Variants in USH2A observed in about 807,000 individuals in gnomAD.
The protein encoded by USH2A is Usher syndrome 2A (autosomal recessive, mild).
Under a neutral mutation model 538.9 loss-of-function variants are expected in USH2A, and 443 were observed. That is an observed-to-expected ratio of 0.82 (90% CI 0.76 to 0.89). USH2A has a LOEUF of 0.89. USH2A is among the 40% of genes least tolerant of loss of function. The probability of loss-of-function intolerance (pLI) is 0.00; values close to 1 mark genes in which losing one functional copy is unlikely to be tolerated. For synonymous variants in USH2A, 2,413 were observed against 2,273.5 expected (o/e 1.06, Z -1.75); for missense variants, 6,633 against 6,324.8 (o/e 1.05, Z -1.65).
At chr1:216,365,144 C>T in intron 3 of USH2A, 59 bp from the exon 4 acceptor site, 1 of 1,553,012 alleles carries the variant, frequency 6.4e-7, no homozygotes, top group Non-Finnish European at 8.7e-7. Flanking sequence ...TTATATTAAA[C>T]ACATTTCAGC....
intron 14 of USH2A, among the ~76,000 whole-genome samples, chr1:216,221,134 TTAGGA>T (rs769401969): frequency 1.6e-4 from 24 of 152,180 alleles, no homozygotes; most frequent in Non-Finnish European, 2.9e-4. Context: ...AGCTTTAGAC[TTAGGA>T]TAGGACACCG....
chr1:216,330,474 C>G (rs1236767112), intron 4 of USH2A, among the ~76,000 whole-genome samples: 1 of 151,776 alleles, frequency 6.6e-6, no homozygotes, highest in Non-Finnish European at 1.5e-5. Flanking sequence ...GCAAAATGTT[C>G]CAGGCAGGCA....
intron 21 of USH2A, among the ~76,000 whole-genome samples, chr1:216,172,203 T>C (rs2034287803): frequency 6.6e-6 from 1 of 152,102 alleles, no homozygotes; most frequent in Admixed American, 6.6e-5. Context: ...ATCCCTTTCT[T>C]GTACTACAAT....
At chr1:216,338,907 T>C (rs991804640) in intron 4 of USH2A, among the ~76,000 whole-genome samples, 2 of 151,686 alleles carry the variant, frequency 1.3e-5, no homozygotes, top group South Asian at 4.1e-4. Flanking sequence ...ATGGGTATTT[T>C]ACCTGTTGCC....
chr1:215,701,776 G>T (rs962599422), intron 61 of USH2A, among the ~76,000 whole-genome samples: 7 of 152,098 alleles, frequency 4.6e-5, no homozygotes, highest in African/African-American at 7.2e-5. Flanking sequence ...TATCCAATTT[G>T]CCAGTCTGTG....
rs970775261 is a variant in USH2A, at chr1:215,629,176, T to C, written c.15298-141A>G. On this transcript the variant is annotated intron_variant, in intron 70 of 71. Transcript: ENST00000307340. ...TCACATTGTCAATGAAGGGAACAAC[T>C]GTCACCTACAGAATTTAGCAGCTAT... 39 of 914,698 alleles carry C rather than the reference T, an allele frequency of 4.3e-5. No individual in the cohort carries two copies. In the African/African-American group the frequency reaches 6.4e-4, roughly 15 times the overall value. 56.7% of individuals were successfully genotyped at this position (914,698 alleles called of 1,614,324 possible).
intron 61 of USH2A, among the ~76,000 whole-genome samples, chr1:215,693,173 G>T (rs374305536): frequency 1.3e-5 from 2 of 148,962 alleles, no homozygotes; most frequent in Non-Finnish European, 1.5e-5. Context: ...TGGATACAAG[G>T]TCTCACTAAG....
At chr1:216,067,193 T>C (rs1167770071) in intron 30 of USH2A, among the ~76,000 whole-genome samples, 2 of 152,062 alleles carry the variant, frequency 1.3e-5, no homozygotes, top group East Asian at 3.9e-4. Flanking sequence ...TTCTCACTCA[T>C]AAGTGGGAAT....
chr1:215,681,107 A>G (rs1008770216), intron 61 of USH2A, among the ~76,000 whole-genome samples: 8 of 152,196 alleles, frequency 5.3e-5, no homozygotes, highest in Non-Finnish European at 1.0e-4. Context: ...AAGAAAAGAA[A>G]AAAAGGGATA....
chr1:215,669,947 G>GA (rs762407313), intron 64 of USH2A, among the ~76,000 whole-genome samples: 2 of 152,048 alleles, frequency 1.3e-5, no homozygotes, highest in South Asian at 4.1e-4. Flanking sequence ...TCCTCTTTTA[G>GA]AAAATTTCTG....
intron 50 of USH2A, among the ~76,000 whole-genome samples, chr1:215,795,863 C>T (rs149594929): frequency 1.3e-3 from 193 of 152,216 alleles, no homozygotes; most frequent in African/African-American, 4.6e-3. Flanking sequence ...TTATTGAGGA[C>T]CCCAAATACC....
Position 215,624,093 on chromosome 1 carries a change from T to C in USH2A, c.*1688A>G, listed in dbSNP as rs1036970120. On this transcript the variant is annotated 3_prime_UTR_variant, in exon 72 of 72. Coordinates refer to ENST00000307340, the MANE Select transcript of USH2A (RefSeq NM_206933.4). ...TAAACTAGTCAATCCTATGTTTTCA[T>C]TTCAGAAAGTATAAAAACTTGGCGA... is the stretch of plus-strand genomic sequence containing the variant. The C allele has an allele frequency of 6.6e-6, 1 of 152,200 alleles. No homozygotes were observed. Among genetic ancestry groups the C allele is most frequent in the Non-Finnish European group, 1.5e-5 (1 of 68,028 alleles). 9.4% of individuals were successfully genotyped at this position (152,200 alleles called of 1,614,324 possible).
At position 216,135,207 on chromosome 1, in the gene USH2A, CTT is replaced by C. The variant is rs5780875; in HGVS notation, c.4628-37996_4628-37995del. On this transcript the variant is annotated intron_variant, in intron 21 of 71. Coordinates refer to ENST00000307340, the MANE Select transcript of USH2A (RefSeq NM_206933.4). ...ACACACACACACACACACACACAAT[CTT>C]AAGTGTATATAAATTCCTCCTTTAA... 3.8e-3 allele frequency among the ~76,000 whole-genome samples: 563 copies of C among 148,954 alleles called. 2 individuals carry two copies. Among genetic ancestry groups the C allele is most frequent in the African/African-American group, 0.014 (543 of 40,222 alleles).
intron 19 of USH2A, among the ~76,000 whole-genome samples, chr1:216,194,928 C>T (rs2034805121): frequency 6.6e-6 from 1 of 152,118 alleles, no homozygotes; most frequent in Admixed American, 6.5e-5. Context: ...GTAATTTTTA[C>T]AGCACTAGAG....
At chr1:216,341,894 T>C (rs1350260115) in intron 4 of USH2A, among the ~76,000 whole-genome samples, 2 of 152,176 alleles carry the variant, frequency 1.3e-5, no homozygotes, top group Non-Finnish European at 2.9e-5. Context: ...ATTAAAACCC[T>C]AGAAGAAAAC....
intron 9 of USH2A, among the ~76,000 whole-genome samples, chr1:216,299,123 T>A (rs2037164452): frequency 6.6e-6 from 1 of 152,116 alleles, no homozygotes; most frequent in Non-Finnish European, 1.5e-5. Flanking sequence ...TTTACAGGCG[T>A]GAGCCACCGT....
At chr1:215,908,264 C>G (rs922735270) in intron 38 of USH2A, among the ~76,000 whole-genome samples, 2 of 151,908 alleles carry the variant, frequency 1.3e-5, no homozygotes, top group Non-Finnish European at 2.9e-5. Context: ...CTAATTATTG[C>G]TTTGTCCCAT....
At chr1:216,056,395 A>G (rs1422945797) in intron 30 of USH2A, among the ~76,000 whole-genome samples, 1 of 152,148 alleles carries the variant, frequency 6.6e-6, no homozygotes, top group East Asian at 1.9e-4. Flanking sequence ...TGATATTGTT[A>G]TTCCATTGTA....
At position 216,329,396 on chromosome 1, in the gene USH2A, A is replaced by G. The variant is rs192051901; in HGVS notation, c.785-1742T>C. Reference sequence around the variant, plus strand: ...TGTCATTCTTAGAAGAAAGATGAGAAGAATACATGCAAATACAGCAAAGCC... The same window carrying G: ...TGTCATTCTTAGAAGAAAGATGAGAGGAATACATGCAAATACAGCAAAGCC... On this transcript the variant is annotated intron_variant, in intron 4 of 71. Coordinates refer to ENST00000307340, the MANE Select transcript of USH2A (RefSeq NM_206933.4). 7.2e-5 allele frequency among the ~76,000 whole-genome samples: 11 copies of G among 152,276 alleles called. No homozygotes were observed. The East Asian group carries it at 1.5e-3, about 21-fold the overall frequency.
Sources: allele counts gnomAD v4.1 joint callset (sites outside exome capture counted in the v4.1 genomes callset), GRCh38; gene constraint gnomAD v4.1.1; transcripts MANE v1.5; gene names NCBI Gene and HGNC (gene_info 2026-07-23, HGNC 2026-07-21).